Variants in HPSE2 observed in about 807,000 individuals in gnomAD.
HPSE2 encodes the protein inactive heparanase-2.
HPSE2 carries 38 observed loss-of-function variants against 60.5 expected under a neutral mutation model. The observed-to-expected ratio is 0.63, with a 90% confidence interval of 0.48 to 0.82. The LOEUF is 0.82. Ranked by LOEUF, HPSE2 falls within the 40% of genes least tolerant of loss-of-function variation. The pLI, the probability that HPSE2 is intolerant of heterozygous loss-of-function variation, is 0.00. For missense variants in HPSE2, 713 were observed against 740.4 expected (o/e 0.96, Z 0.43); for synonymous variants, 295 against 293.2 (o/e 1.01, Z -0.06).
chr10:98,664,718 G>C (rs575776139), intron 6 of HPSE2, among the ~76,000 whole-genome samples: 1 of 152,126 alleles, frequency 6.6e-6, no homozygotes, highest in South Asian at 2.1e-4. Context: ...TGAAACCTAA[G>C]GCAAAAATCT....
intron 6 of HPSE2, among the ~76,000 whole-genome samples, chr10:98,678,660 T>G (rs763224766): frequency 1.3e-5 from 2 of 152,056 alleles, no homozygotes; most frequent in Non-Finnish European, 2.9e-5. Flanking sequence ...TGTTTTTTAC[T>G]TCTTTTGGTC....
chr10:99,175,433 G>T (rs1847486569), intron 2 of HPSE2, among the ~76,000 whole-genome samples: 1 of 152,188 alleles, frequency 6.6e-6, no homozygotes, highest in South Asian at 2.1e-4. Context: ...GACCTTGTTG[G>T]GAGAGGGGTG....
intron 3 of HPSE2, among the ~76,000 whole-genome samples, chr10:99,118,139 A>G (rs1844782812): frequency 2.6e-5 from 4 of 152,160 alleles, no homozygotes; most frequent in Admixed American, 2.0e-4. Context: ...AGACAAAAAA[A>G]AACACTATTA....
intron 3 of HPSE2, among the ~76,000 whole-genome samples, chr10:98,986,804 AG>A (rs1340581067): frequency 6.6e-6 from 1 of 151,872 alleles, no homozygotes; most frequent in African/African-American, 2.4e-5. Flanking sequence ...AAAATGATAA[AG>A]GGGATATCAC....
At chr10:99,094,540 A>ATATATATATATATATATAATT (rs1843646305) in intron 3 of HPSE2, among the ~76,000 whole-genome samples, 1 of 26,614 alleles carries the variant, frequency 3.8e-5, no homozygotes, top group Non-Finnish European at 6.0e-5. Flanking sequence ...ATATATATAT[A>ATATATATATATATATATAATT]TTTTTTTTTT....
At chr10:99,256,808 C>T in the HPSE2 span, among the ~76,000 whole-genome samples, 1 of 152,128 alleles carries the variant, frequency 6.6e-6, no homozygotes, top group East Asian at 1.9e-4. Context: ...AATCCCAGCA[C>T]TTTGGGAGGC....
At position 98,899,758 on chromosome 10, in the gene HPSE2, C is replaced by CT. The variant is rs61080994; in HGVS notation, c.611-155703dup. The stretch of plus-strand genomic sequence containing the variant: ...CACTTGAAAAATATTTTGGCAGTGT[C>CT]TTTTTTTTTTTTTTTTTTTTTTGAG... On this transcript the variant is annotated intron_variant, in intron 3 of 11. Coordinates refer to ENST00000370552, the MANE Select transcript of HPSE2 (RefSeq NM_021828.5). Among the ~76,000 whole-genome samples the CT allele has an allele frequency of 1.4e-3, 160 of 118,350 alleles. 1 individual carries two copies. The highest frequency in any genetic ancestry group is 9.4e-3 in the Middle Eastern group (2 of 212). 77.6% of individuals were successfully genotyped at this position (118,350 alleles called of 152,430 possible).
chr10:99,138,753 G>T (rs772622784), intron 3 of HPSE2, among the ~76,000 whole-genome samples: 30 of 152,164 alleles, frequency 2.0e-4, no homozygotes, highest in Non-Finnish European at 2.9e-4. Flanking sequence ...GCGATGGGGG[G>T]CTAGGGGAGG....
chr10:99,217,577 T>TTTG (rs34484473), intron 2 of HPSE2, among the ~76,000 whole-genome samples: 11 of 151,378 alleles, frequency 7.3e-5, no homozygotes, highest in Non-Finnish European at 1.3e-4. Context: ...ACCCAGTTTT[T>TTTG]TTGTTGTTGT....
At chr10:98,572,033 T>G (rs887352193) in intron 9 of HPSE2, among the ~76,000 whole-genome samples, 9 of 150,414 alleles carry the variant, frequency 6.0e-5, no homozygotes, top group Non-Finnish European at 8.9e-5. Context: ...CCCCGCCTCC[T>G]GGGTTCAAGT....
At chr10:99,188,795 GA>G (rs1310299250) in intron 2 of HPSE2, among the ~76,000 whole-genome samples, 1 of 152,140 alleles carries the variant, frequency 6.6e-6, no homozygotes, top group East Asian at 1.9e-4. Flanking sequence ...TTATAACATC[GA>G]AATGTAAATT....
chr10:99,305,979 G>GCGCGCGCACACACACACA, the HPSE2 span, among the ~76,000 whole-genome samples: 173 of 80,550 alleles, frequency 2.1e-3, 1 homozygote, highest in Middle Eastern at 6.8e-3. Context: ...GCGCGCGCGC[G>GCGCGCGCACACACACACA]CACACACACA....
chr10:98,539,644 C>T (rs574262470), intron 9 of HPSE2, among the ~76,000 whole-genome samples: 2 of 152,326 alleles, frequency 1.3e-5, no homozygotes, highest in Admixed American at 1.3e-4. Flanking sequence ...ACTTTCTCAT[C>T]TACCTTTTTC....
intron 3 of HPSE2, among the ~76,000 whole-genome samples, chr10:99,008,160 C>A (rs1176391534): frequency 2.6e-5 from 4 of 152,186 alleles, no homozygotes; most frequent in Admixed American, 1.3e-4. Context: ...ATCTCCTGAT[C>A]TTGTTTACAT....
At chr10:98,485,282 C>T (rs1941398414) in intron 10 of HPSE2, among the ~76,000 whole-genome samples, 1 of 152,166 alleles carries the variant, frequency 6.6e-6, no homozygotes, top group African/African-American at 2.4e-5. Context: ...TTGCTTAGAA[C>T]AATCCATTAA....
intron 9 of HPSE2, among the ~76,000 whole-genome samples, chr10:98,550,605 C>T (rs560110603): frequency 6.6e-6 from 1 of 152,060 alleles, no homozygotes; most frequent in African/African-American, 2.4e-5. Flanking sequence ...GTAGCTGGGA[C>T]TACAGGCGCC....
chr10:99,104,942 T>C (rs1844177891), intron 3 of HPSE2, among the ~76,000 whole-genome samples: 2 of 151,502 alleles, frequency 1.3e-5, no homozygotes, highest in African/African-American at 4.9e-5. Flanking sequence ...GGGATAGCAT[T>C]AGGAGATATA....
intron 3 of HPSE2, among the ~76,000 whole-genome samples, chr10:99,118,970 T>G (rs1844827397): frequency 6.9e-6 from 1 of 145,376 alleles, no homozygotes; most frequent in Non-Finnish European, 1.5e-5. Flanking sequence ...GAGCCAAGAG[T>G]GTGCCACTGC....
chr10:99,155,471 G>A (rs1240428308), intron 2 of HPSE2, among the ~76,000 whole-genome samples: 24 of 148,696 alleles, frequency 1.6e-4, no homozygotes, highest in Middle Eastern at 3.6e-3. Flanking sequence ...GCTCAACTAC[G>A]TGGAAACTGA....
Sources: allele counts gnomAD v4.1 joint callset (sites outside exome capture counted in the v4.1 genomes callset), GRCh38; gene constraint gnomAD v4.1.1; transcripts MANE v1.5; gene names NCBI Gene and HGNC (gene_info 2026-07-23, HGNC 2026-07-21).